Variants in DPP6 observed in about 807,000 individuals in gnomAD.
DPP6 encodes A-type potassium channel modulatory protein DPP6.
A neutral mutation model predicts 122.6 loss-of-function variants in DPP6; 69 were observed. That is an observed-to-expected ratio of 0.56 (90% CI 0.46 to 0.69). The LOEUF (loss-of-function observed/expected upper bound fraction) is 0.69, where lower values mean the gene tolerates loss of function less well. DPP6 is among the 30% of genes least tolerant of loss of function. DPP6 has a pLI of 0.00. For missense variants in DPP6, 928 were observed against 1,116.9 expected (o/e 0.83, Z 2.41); for synonymous variants, 418 against 433.1 (o/e 0.97, Z 0.43).
chr7:154,331,588 A>G (rs1331631483), intron 1 of DPP6, among the ~76,000 whole-genome samples: 1 of 152,204 alleles, frequency 6.6e-6, no homozygotes, highest in East Asian at 1.9e-4. Flanking sequence ...TGGATCAAGA[A>G]GATGCAGCTT....
chr7:154,162,284 G>A (rs1367201591), intron 1 of DPP6, among the ~76,000 whole-genome samples: 1 of 152,138 alleles, frequency 6.6e-6, no homozygotes, highest in Non-Finnish European at 1.5e-5. Flanking sequence ...AAGCTCCCCA[G>A]TCTGCTTGTG....
chr7:154,022,805 A>G (rs1258276777), intron 1 of DPP6, among the ~76,000 whole-genome samples: 1 of 152,224 alleles, frequency 6.6e-6, no homozygotes, highest in Non-Finnish European at 1.5e-5. Flanking sequence ...CTGGCAATTG[A>G]AAGAAATCTT....
Position 154,892,383 on chromosome 7 carries a change from A to G in DPP6, c.2501A>G (p.His834Arg), listed in dbSNP as rs774564857. 3 of 1,614,060 alleles carry G rather than the reference A, an allele frequency of 1.9e-6. No individual in the cohort carries two copies. The highest frequency in any genetic ancestry group is 2.5e-6 in the Non-Finnish European group (3 of 1,179,900). Residue 834 changes from histidine to arginine, a missense_variant, in exon 26 of 26, where the codon CAT becomes CGT. Coordinates refer to ENST00000377770, the MANE Select transcript of DPP6 (RefSeq NM_130797.4). The stretch of plus-strand genomic sequence containing the variant: ...TTTACCAGCTCCAGCCTCAAACAGC[A>G]TCTGTACCGGTCCATCATCAACTTC... ...HYFTSSSLKQ[H>R]LYRSIINFFV...
chr7:154,686,939 G>A (rs974889967), intron 7 of DPP6, among the ~76,000 whole-genome samples: 2 of 152,084 alleles, frequency 1.3e-5, no homozygotes, highest in African/African-American at 2.4e-5. Context: ...ACCGGGTTCC[G>A]GGTCCCTCCT....
Position 154,892,620 on chromosome 7 carries a change from A to G in DPP6, c.*140A>G. Reference sequence around the variant, plus strand: ...CATAGCATGTGTGTCTCGGATGCGGAAGGCAGTTTTGCTTGGGAAACAAGC... The same window carrying G: ...CATAGCATGTGTGTCTCGGATGCGGGAGGCAGTTTTGCTTGGGAAACAAGC... On this transcript the variant is annotated 3_prime_UTR_variant, in exon 26 of 26. Transcript: ENST00000377770. The G allele has an allele frequency of 6.6e-7, 1 of 1,509,200 alleles. No homozygotes were observed. Among genetic ancestry groups the G allele is most frequent in the East Asian group, 2.3e-5 (1 of 43,856 alleles). The allele number at this position is 1,509,200 out of a possible 1,614,324, so 93.5% of individuals were successfully genotyped here. A position where few individuals can be genotyped will look rare whatever the true frequency, so the allele number is the denominator to read the frequency against.
chr7:154,072,545 G>C (rs532453130), intron 1 of DPP6, among the ~76,000 whole-genome samples: 809 of 152,364 alleles, frequency 5.3e-3, no homozygotes, highest in African/African-American at 0.019. Context: ...CACAGAGTTG[G>C]CTCACTGTTT....
rs539891616 is a variant in DPP6, at chr7:154,879,575, C to G, written c.2079-1313C>G. 1.1e-4 allele frequency among the ~76,000 whole-genome samples: 14 copies of G among 130,388 alleles called. 2 individuals carry two copies. Among genetic ancestry groups the G allele is most frequent in the Admixed American group, 2.6e-4 (3 of 11,712 alleles). 85.5% of individuals were successfully genotyped at this position (130,388 alleles called of 152,430 possible). ...CACTGCACTCCAGCCTGGGCGACAG[C>G]GAGACTCCGTCTCAAAAAAAAAAAA... On this transcript the variant is annotated intron_variant, in intron 20 of 25. Transcript: ENST00000377770.
intron 3 of DPP6, among the ~76,000 whole-genome samples, chr7:154,521,490 G>T (rs1367100274): frequency 2.6e-5 from 4 of 151,842 alleles, no homozygotes; most frequent in Non-Finnish European, 4.4e-5. Flanking sequence ...ACAGGACTCT[G>T]TTAAGGCACA....
At chr7:153,753,975 G>T in the DPP6 span, among the ~76,000 whole-genome samples, 20 of 152,286 alleles carry the variant, frequency 1.3e-4, no homozygotes, top group Admixed American at 9.8e-4. Flanking sequence ...CTGTGAAAAA[G>T]CTGATGAAGT....
intron 3 of DPP6, among the ~76,000 whole-genome samples, chr7:154,520,776 G>A (rs55670534): frequency 0.13 from 20,436 of 152,184 alleles, 1,704 homozygotes; most frequent in Non-Finnish European, 0.18. Flanking sequence ...ATTCACTTGC[G>A]TCTAGTAAGA....
intron 7 of DPP6, among the ~76,000 whole-genome samples, chr7:154,683,740 C>T (rs1314183216): frequency 6.6e-6 from 1 of 152,212 alleles, no homozygotes; most frequent in African/African-American, 2.4e-5. Context: ...CTGACCTCTC[C>T]TGCCACCCAG....
chr7:153,837,498 A>G, the DPP6 span, among the ~76,000 whole-genome samples: 2 of 152,194 alleles, frequency 1.3e-5, no homozygotes, highest in Non-Finnish European at 2.9e-5. Context: ...GGTTTTTCCA[A>G]TACTCACACT....
intron 1 of DPP6, among the ~76,000 whole-genome samples, chr7:154,122,191 A>C (rs1439490201): frequency 6.6e-6 from 1 of 152,226 alleles, no homozygotes; most frequent in Non-Finnish European, 1.5e-5. Context: ...TTATGAAATA[A>C]GGATGAGGAA....
rs1804548423 is a variant in DPP6, at chr7:154,282,029, CCT to C, written c.244-164182_244-164181del. 2.0e-5 allele frequency among the ~76,000 whole-genome samples: 3 copies of C among 152,258 alleles called. No individual in the cohort carries two copies. Among genetic ancestry groups the C allele is most frequent in the African/African-American group, 7.2e-5 (3 of 41,530 alleles). On this transcript the variant is annotated intron_variant, in intron 1 of 25. Coordinates refer to ENST00000377770, the MANE Select transcript of DPP6 (RefSeq NM_130797.4). The surrounding 1 kb of genome is among the most constrained non-coding windows in gnomAD (Gnocchi z 4.8). ...AGCTTAGTGACTTAACCTTTCAACA[CCT>C]CTGTTTCCTCCCCTGTCCAATGGGG... is the stretch of plus-strand genomic sequence containing the variant.
intron 1 of DPP6, among the ~76,000 whole-genome samples, chr7:154,022,376 G>C (rs1266993640): frequency 3.9e-5 from 6 of 152,184 alleles, no homozygotes; most frequent in Non-Finnish European, 7.3e-5. Context: ...GAGAGTAGGG[G>C]ACACTTGCAT....
chr7:153,772,343 C>T, the DPP6 span, among the ~76,000 whole-genome samples: 4 of 152,250 alleles, frequency 2.6e-5, no homozygotes, highest in East Asian at 5.8e-4. Flanking sequence ...CTTGGCCTTC[C>T]AAAGTGCTGG....
chr7:154,711,916 T>C (rs1418731964), intron 7 of DPP6, among the ~76,000 whole-genome samples: 1 of 150,934 alleles, frequency 6.6e-6, no homozygotes, highest in African/African-American at 2.5e-5. Context: ...TAAGAAATAT[T>C]AAGGGTGTAA....
At chr7:154,378,981 C>G (rs77206832) in intron 1 of DPP6, among the ~76,000 whole-genome samples, 3,579 of 152,292 alleles carry the variant, frequency 0.024, 149 homozygotes, top group African/African-American at 0.082. Context: ...AAGTCCCTCC[C>G]TCAACGTGTG....
the DPP6 span, among the ~76,000 whole-genome samples, chr7:153,774,679 T>C: frequency 6.6e-6 from 1 of 152,122 alleles, no homozygotes; most frequent in Admixed American, 6.6e-5. Context: ...AAGGAATAAA[T>C]AGGGGCCAGG....
Sources: gnomAD v4.1 joint callset for allele counts (sites outside exome capture counted in the v4.1 genomes callset) on GRCh38, gnomAD v4.1.1 for gene constraint, Gnocchi (gnomAD v3.1) non-coding constraint, MANE v1.5 for transcripts, NCBI Gene and HGNC (gene_info 2026-07-23, HGNC 2026-07-21) for gene names.